The following FBXO17 variants were observed in gnomAD, a reference collection of about 807,000 sequenced individuals.
The protein encoded by FBXO17 is F-box only protein 17.
A neutral mutation model predicts 34.1 loss-of-function variants in FBXO17; 43 were observed. The ratio of observed to expected loss-of-function variants is 1.26; its 90% CI spans 0.99 to 1.62. The LOEUF is 1.62. FBXO17 is among the 40% of genes most tolerant of loss of function. The pLI, the probability that FBXO17 is intolerant of heterozygous loss-of-function variation, is 0.00. For synonymous variants in FBXO17, 169 were observed against 166.0 expected (o/e 1.02, Z -0.14); for missense variants, 424 against 386.7 (o/e 1.10, Z -0.81).
At chr19:38,968,064 G>C (rs117728691) in intron 1 of FBXO17, among the ~76,000 whole-genome samples, 20 of 152,024 alleles carry the variant, frequency 1.3e-4, no homozygotes, top group Non-Finnish European at 2.1e-4. Flanking sequence ...GGCCAGGCTC[G>C]GTGGCTCATA....
At chr19:38,970,201 C>CAA (rs746484827) in intron 1 of FBXO17, among the ~76,000 whole-genome samples, 1 of 137,194 alleles carries the variant, frequency 7.3e-6, no homozygotes, top group African/African-American at 2.7e-5. Context: ...TTATCAAAAG[C>CAA]AAAAAAAAAA....
rs772407149 is a variant in FBXO17, at chr19:38,950,210, G to C, written c.110C>G (p.Ser37Cys). 1.9e-6 allele frequency: 3 copies of C among 1,548,706 alleles called. No homozygotes were observed. Among genetic ancestry groups the C allele is most frequent in the Non-Finnish European group, 2.6e-6 (3 of 1,154,734 alleles). ...CACTGGGCGGCATCGCGTGACCAAGGAGCGTGGCGGCACGTGGCTCAGCAC... is the reference window on the plus strand; with the variant it reads ...CACTGGGCGGCATCGCGTGACCAAGCAGCGTGGCGGCACGTGGCTCAGCAC... ...VQVLSHVPPR[S>C]LVTRCRPVCR... The change falls in exon 2 of 6, where the codon TCC (serine) becomes TGC (cysteine). Residue 37 changes from serine (S) to cysteine (C), a missense_variant. Transcript: ENST00000292852.
chr19:38,962,152 C>T (rs1317732786), intron 1 of FBXO17, among the ~76,000 whole-genome samples: 1 of 148,524 alleles, frequency 6.7e-6, no homozygotes, highest in Non-Finnish European at 1.5e-5. Context: ...TGGCTTACGC[C>T]TGCCTCCTGC....
At chr19:38,967,254 T>A (rs1391257848) in intron 1 of FBXO17, among the ~76,000 whole-genome samples, 1 of 152,014 alleles carries the variant, frequency 6.6e-6, no homozygotes, top group East Asian at 1.9e-4. Flanking sequence ...GGTCAGGAGT[T>A]CAAGACCAGC....
In FBXO17 at chr19:38,972,820, C is replaced by T. The variant is rs1004334146; in HGVS notation, c.-18+2766G>A. On this transcript the variant is annotated intron_variant, in intron 1 of 5. Transcript: ENST00000292852. ...TGTCGCCCAGGCTGGGGTGCAATGG[C>T]GCGATCTCGGCTCACTGCAAGCTCC... Among the ~76,000 whole-genome samples, 9 of 152,006 alleles carry T rather than the reference C, an allele frequency of 5.9e-5. No individual in the cohort carries two copies. In the South Asian group the frequency reaches 1.4e-3, roughly 24 times the overall value.
chr19:38,969,016 C>A (rs1217512621), intron 1 of FBXO17, among the ~76,000 whole-genome samples: 4 of 152,016 alleles, frequency 2.6e-5, no homozygotes, highest in Admixed American at 2.0e-4. Context: ...TCCACTTTAA[C>A]AGGGCTGAAT....
chr19:38,951,626 T>C (rs1449295441), intron 1 of FBXO17, among the ~76,000 whole-genome samples: 2 of 151,754 alleles, frequency 1.3e-5, no homozygotes, highest in Non-Finnish European at 2.9e-5. Context: ...TCCCACCAAC[T>C]GTCATCTCTC....
intron 5 of FBXO17, among the ~76,000 whole-genome samples, chr19:38,943,621 G>A (rs1388775491): frequency 2.1e-5 from 3 of 145,376 alleles, no homozygotes; most frequent in Non-Finnish European, 4.5e-5. Context: ...GCCAAGACTC[G>A]CTCCATCGCC....
At chr19:38,963,297 C>CCTTTT (rs397977753) in intron 1 of FBXO17, among the ~76,000 whole-genome samples, 2 of 75,890 alleles carry the variant, frequency 2.6e-5, no homozygotes, top group Non-Finnish European at 2.5e-5. Context: ...TTCACTCATA[C>CCTTTT]TTTTTTTTTT....
chr19:38,965,139 A>T (rs572346469), intron 1 of FBXO17, among the ~76,000 whole-genome samples: 1 of 152,244 alleles, frequency 6.6e-6, no homozygotes, highest in African/African-American at 2.4e-5. Context: ...ACATTTAAGT[A>T]AACAAGCAGA....
chr19:38,960,798 G>GC (rs1426466310), intron 1 of FBXO17, among the ~76,000 whole-genome samples: 1 of 128,354 alleles, frequency 7.8e-6, no homozygotes, highest in Non-Finnish European at 1.6e-5. Context: ...ATGAGCCCCT[G>GC]CACCCGGCCA....
chr19:38,942,751 C>G lies in FBXO17; in HGVS notation c.694G>C (p.Val232Leu). ...LQWTERGCRQ[V>L]SHVFTNFGKG... ...CCAAAGTTGGTGAAGACGTGGGAGA[C>G]CTGCAGGGGGAAGGGGAGTGAGAGG... The change falls in exon 6 of 6, where the codon GTC becomes CTC. Residue 232 changes from valine (V) to leucine (L), a missense_variant and splice_region_variant. By Grantham distance (32) the Val-to-Leu change is conservative. Coordinates refer to ENST00000292852, the MANE Select transcript of FBXO17 (RefSeq NM_024907.7). 6.2e-7 allele frequency: 1 copy of G among 1,603,038 alleles called. No homozygotes were observed. Among genetic ancestry groups the G allele is most frequent in the Non-Finnish European group, 8.5e-7 (1 of 1,175,606 alleles).
At chr19:38,957,077 G>T (rs1229221223) in intron 1 of FBXO17, among the ~76,000 whole-genome samples, 1 of 152,008 alleles carries the variant, frequency 6.6e-6, no homozygotes, top group Non-Finnish European at 1.5e-5. Context: ...CAAAGACCAA[G>T]CTGTGCTTTT....
intron 1 of FBXO17, among the ~76,000 whole-genome samples, chr19:38,973,924 A>G (rs1975423119): frequency 6.6e-6 from 1 of 151,458 alleles, no homozygotes; most frequent in Non-Finnish European, 1.5e-5. Flanking sequence ...TTGAGGCTGC[A>G]GTGAGCCATG....
In FBXO17 at chr19:38,942,772, A is replaced by C. The variant is rs370356050; in HGVS notation, c.694-21T>G. On this transcript the variant is annotated intron_variant, in intron 5 of 5. Coordinates refer to ENST00000292852, the MANE Select transcript of FBXO17 (RefSeq NM_024907.7). ...GAGACCTGCAGGGGGAAGGGGAGTG[A>C]GAGGGTGAGGGCCTGCGGGCCCCTT... 1.4e-4 allele frequency: 217 copies of C among 1,594,500 alleles called. 1 individual carries two copies. In the African/African-American group the frequency reaches 2.8e-3, roughly 20 times the overall value.
intron 1 of FBXO17, among the ~76,000 whole-genome samples, chr19:38,953,260 T>C (rs1241670061): frequency 3.3e-5 from 5 of 151,940 alleles, no homozygotes; most frequent in African/African-American, 9.7e-5. Context: ...TGAGCTATGA[T>C]TATGCCACTG....
rs370545450 is a variant in FBXO17 at position 38,946,465 on chromosome 19, C to T, written c.557+7G>A. On this transcript the variant is annotated splice_region_variant and intron_variant, in intron 4 of 5. Coordinates refer to ENST00000292852, the MANE Select transcript of FBXO17 (RefSeq NM_024907.7). ...TGCTCTGGGGCAGGGTGCCGCTCCT[C>T]ACTCACCAGTCAGCCACACAGATCT... The T allele has an allele frequency of 1.2e-6, 2 of 1,613,956 alleles. No individual in the cohort carries two copies. The highest frequency in any genetic ancestry group is 1.7e-6 in the Non-Finnish European group (2 of 1,179,858).
intron 1 of FBXO17, among the ~76,000 whole-genome samples, chr19:38,967,421 C>G (rs969889040): frequency 6.6e-6 from 1 of 151,780 alleles, no homozygotes; most frequent in Non-Finnish European, 1.5e-5. Context: ...GCCTGGGCAA[C>G]AAGAGTGAAA....
rs1336158369 is a variant in FBXO17, at chr19:38,945,105, C to G, written c.558-1G>C. 3.7e-6 allele frequency: 6 copies of G among 1,614,064 alleles called. No individual in the cohort carries two copies. The South Asian group carries it at 5.5e-5, about 15-fold the overall frequency. On this transcript the variant is annotated splice_acceptor_variant, in intron 4 of 5. Transcript: ENST00000292852. LOFTEE classifies it high-confidence loss of function. ...GCCGCAGTTCTCTCGAGCGCCCCACCTGCCAGGCAGCAGTCAGCCTCTATG... is the reference window on the plus strand; with the variant it reads ...GCCGCAGTTCTCTCGAGCGCCCCACGTGCCAGGCAGCAGTCAGCCTCTATG...
Sources: gnomAD v4.1 joint callset for allele counts (sites outside exome capture counted in the v4.1 genomes callset) on GRCh38, gnomAD v4.1.1 for gene constraint, MANE v1.5 for transcripts, NCBI Gene and HGNC (gene_info 2026-07-23, HGNC 2026-07-21) for gene names.